THSD4: variants seen among roughly 807,000 people sequenced by gnomAD.
THSD4 encodes thrombospondin type-1 domain-containing protein 4.
Under a neutral mutation model 119.0 loss-of-function variants are expected in THSD4, and 69 were observed. The observed-to-expected ratio is 0.58, with a 90% confidence interval of 0.48 to 0.71. The LOEUF is 0.71. Ranked by LOEUF, THSD4 falls within the 30% of genes least tolerant of loss-of-function variation. THSD4 has a pLI of 0.00. For missense variants in THSD4, 1,393 were observed against 1,391.1 expected (o/e 1.00, Z -0.02); for synonymous variants, 524 against 540.4 (o/e 0.97, Z 0.42).
intron 7 of THSD4, among the ~76,000 whole-genome samples, chr15:71,641,649 A>G (rs1170259649): frequency 1.3e-5 from 2 of 151,566 alleles, no homozygotes; most frequent in African/African-American, 4.9e-5. Flanking sequence ...ATTTCTACTT[A>G]TGGTGATTTT....
chr15:71,120,475 G>A (rs888875172), intron 1 of THSD4, among the ~76,000 whole-genome samples: 16 of 152,154 alleles, frequency 1.1e-4, no homozygotes, highest in East Asian at 1.9e-4. Context: ...TCTCTAGGGC[G>A]TGGTCCGAGG....
chr15:71,762,668 G>T (rs1370681616), intron 15 of THSD4, among the ~76,000 whole-genome samples: 1 of 152,156 alleles, frequency 6.6e-6, no homozygotes, highest in African/African-American at 2.4e-5. Flanking sequence ...CCTGCCTTCA[G>T]TTCTTCCATT....
intron 6 of THSD4, among the ~76,000 whole-genome samples, chr15:71,270,309 C>T (rs958712508): frequency 2.0e-5 from 3 of 152,154 alleles, no homozygotes; most frequent in African/African-American, 7.2e-5. Flanking sequence ...CTTCCACAAC[C>T]ATCTGATCTT....
intron 6 of THSD4, among the ~76,000 whole-genome samples, chr15:71,288,767 C>T (rs1263822694): frequency 6.6e-6 from 1 of 152,156 alleles, no homozygotes; most frequent in African/African-American, 2.4e-5. Flanking sequence ...AAAATAGTGC[C>T]TATATGTATG....
chr15:71,237,630 G>A lies in THSD4; in HGVS notation c.465-5019G>A, dbSNP rs745567151. Among the ~76,000 whole-genome samples, 34 of 152,110 alleles carry A rather than the reference G, an allele frequency of 2.2e-4. 1 individual carries two copies. Among genetic ancestry groups the A allele is most frequent in the Non-Finnish European group, 3.2e-4 (22 of 68,028 alleles). On this transcript the variant is annotated intron_variant, in intron 4 of 17. Transcript: ENST00000261862. ...GAAGCTGGATTTTAGTGAGACCCCC[G>A]GGTGACTTATGTGCACTTTTCAGGC...
At chr15:71,499,196 A>G (rs1428375220) in intron 7 of THSD4, among the ~76,000 whole-genome samples, 1 of 152,108 alleles carries the variant, frequency 6.6e-6, no homozygotes, top group African/African-American at 2.4e-5. Context: ...CCTGGTACCC[A>G]GTTGCTGTCC....
intron 6 of THSD4, among the ~76,000 whole-genome samples, chr15:71,385,773 CA>C (rs1452974057): frequency 6.6e-6 from 1 of 152,170 alleles, no homozygotes. Context: ...GAGGCTTTCT[CA>C]AATCACGTTT....
rs546437348 is a variant in THSD4 at position 71,780,666 on chromosome 15, C to T, written c.*3292C>T. 2.0e-5 allele frequency: 9 copies of T among 456,656 alleles called. No individual in the cohort carries two copies. The East Asian group carries it at 2.8e-4, about 14-fold the overall frequency. 28.3% of individuals were successfully genotyped at this position (456,656 alleles called of 1,614,324 possible). A position where few individuals can be genotyped will look rare whatever the true frequency, so the allele number is the denominator to read the frequency against. On this transcript the variant is annotated 3_prime_UTR_variant, in exon 18 of 18. Transcript: ENST00000261862. ...GGGAGGGCAAGGCAGCCTGTCCCCGCCCCCAGGGAACTAGAACATGACAAG... is the reference window on the plus strand; with the variant it reads ...GGGAGGGCAAGGCAGCCTGTCCCCGTCCCCAGGGAACTAGAACATGACAAG...
At chr15:71,372,135 C>A (rs1221495435) in intron 6 of THSD4, among the ~76,000 whole-genome samples, 1 of 152,198 alleles carries the variant, frequency 6.6e-6, no homozygotes, top group Non-Finnish European at 1.5e-5. Flanking sequence ...TCCATCAGGT[C>A]ATTTAAGGAC....
chr15:71,643,478 T>C (rs1004882726), intron 7 of THSD4, among the ~76,000 whole-genome samples: 6 of 152,170 alleles, frequency 3.9e-5, no homozygotes, highest in East Asian at 3.9e-4. Context: ...CATCCTCAAG[T>C]AGGCCCCAGT....
At chr15:71,476,793 C>G (rs1595805067) in intron 7 of THSD4, among the ~76,000 whole-genome samples, 1 of 152,288 alleles carries the variant, frequency 6.6e-6, no homozygotes, top group East Asian at 1.9e-4. Flanking sequence ...GGTCTCTCTC[C>G]CCATCTCTAC....
chr15:71,631,059 A>G (rs79535636), intron 7 of THSD4, among the ~76,000 whole-genome samples: 3,637 of 152,246 alleles, frequency 0.024, 67 homozygotes, highest in Non-Finnish European at 0.036. Flanking sequence ...GGGGAGGGCA[A>G]GATCTCCCCG....
intron 11 of THSD4, 89 bp from the exon 12 acceptor site, chr15:71,745,017 A>G (rs2053307219): frequency 6.6e-7 from 1 of 1,510,332 alleles, no homozygotes. Context: ...CCCTCTCTTC[A>G]TCAGCACCCG....
At position 71,660,832 on chromosome 15, in the gene THSD4, G is replaced by A. The variant is rs556491726; in HGVS notation, c.1357+98G>A. On this transcript the variant is annotated intron_variant, in intron 8 of 17. Coordinates refer to ENST00000261862, the MANE Select transcript of THSD4 (RefSeq NM_024817.3). ...AGACACAGCAGTGTCCGAGAGTCCC[G>A]GGGCATGCAGGCAGTGCCCCTGGGG... 2.9e-5 allele frequency: 39 copies of A among 1,365,824 alleles called. 1 individual carries two copies. Among genetic ancestry groups the A allele is most frequent in the African/African-American group, 8.5e-5 (6 of 70,206 alleles). 84.6% of individuals were successfully genotyped at this position (1,365,824 alleles called of 1,614,324 possible).
intron 8 of THSD4, among the ~76,000 whole-genome samples, chr15:71,665,131 T>G (rs2051391420): frequency 6.6e-6 from 1 of 152,230 alleles, no homozygotes; most frequent in Non-Finnish European, 1.5e-5. Context: ...AGTGTTTCCT[T>G]TTCTCCATAA....
At chr15:71,492,647 A>G (rs750383463) in intron 7 of THSD4, among the ~76,000 whole-genome samples, 4 of 152,170 alleles carry the variant, frequency 2.6e-5, no homozygotes, top group African/African-American at 9.7e-5. Flanking sequence ...CACCAACTCC[A>G]TGAGCCTGAA....
intron 4 of THSD4, among the ~76,000 whole-genome samples, chr15:71,224,013 A>G (rs574961649): frequency 3.3e-4 from 50 of 152,266 alleles, no homozygotes; most frequent in Non-Finnish European, 5.7e-4. Context: ...TTTACAAGTC[A>G]AGTGCCCAGG....
intron 3 of THSD4, among the ~76,000 whole-genome samples, chr15:71,162,512 G>A (rs540777094): frequency 5.9e-5 from 9 of 152,032 alleles, no homozygotes; most frequent in African/African-American, 1.4e-4. Flanking sequence ...GTAGTCTAAC[G>A]GAGATACTCT....
chr15:71,349,506 G>A (rs901276249), intron 6 of THSD4, among the ~76,000 whole-genome samples: 4 of 152,120 alleles, frequency 2.6e-5, no homozygotes, highest in African/African-American at 4.8e-5. Context: ...TCACCTTTCT[G>A]TCTACGTAGC....
Sources: gnomAD v4.1 joint callset for allele counts (sites outside exome capture counted in the v4.1 genomes callset) on GRCh38, gnomAD v4.1.1 for gene constraint, MANE v1.5 for transcripts, NCBI Gene and HGNC (gene_info 2026-07-23, HGNC 2026-07-21) for gene names.